AP1AR: variants seen among roughly 807,000 people sequenced by gnomAD.
AP1AR encodes AP-1 complex-associated regulatory protein.
In AP1AR, 29 loss-of-function variants were observed where a neutral mutation model predicts 46.3. The observed-to-expected ratio is 0.63, with a 90% confidence interval of 0.47 to 0.85. AP1AR has a LOEUF of 0.85. Ranked by LOEUF, AP1AR falls within the 40% of genes least tolerant of loss-of-function variation. The pLI, the probability that AP1AR is intolerant of heterozygous loss-of-function variation, is 0.00. For synonymous variants in AP1AR, 122 were observed against 122.9 expected, an observed-to-expected ratio of 0.99 and a Z score of 0.05; for missense variants, 357 against 356.3, an observed-to-expected ratio of 1.00 and a Z score of -0.02.
At chr4:112,257,855 CT>C in intron 4 of AP1AR, 58 bp downstream of exon 4, 1 of 1,412,538 alleles carries the variant, frequency 7.1e-7, no homozygotes, top group Non-Finnish European at 9.5e-7. Context: ...AGAAAACTCT[CT>C]TAAGAAGTCA....
intron 7 of AP1AR, chr4:112,265,442 C>G: frequency 2.7e-6 from 1 of 363,742 alleles, no homozygotes; most frequent in East Asian, 5.2e-5. Flanking sequence ...CACATTTCCA[C>G]AAGTATCACT....
chr4:112,264,060 C>T (rs867372148), intron 6 of AP1AR, among the ~76,000 whole-genome samples: 2 of 152,064 alleles, frequency 1.3e-5, no homozygotes, highest in African/African-American at 2.4e-5. Flanking sequence ...TGTCCTTCTC[C>T]CCCCAACTTT....
intron 1 of AP1AR, 120 bp from the exon 2 acceptor site, chr4:112,253,088 T>C: frequency 1.6e-6 from 1 of 639,070 alleles, no homozygotes; most frequent in East Asian, 3.2e-5. Context: ...TTTTTATAAA[T>C]ATAACTATAT....
chr4:112,245,714 C>T (rs142270983), intron 1 of AP1AR, among the ~76,000 whole-genome samples: 1 of 152,222 alleles, frequency 6.6e-6, no homozygotes, highest in East Asian at 1.9e-4. Flanking sequence ...TCGTTCCTGA[C>T]CCATTGTAGG....
intron 1 of AP1AR, among the ~76,000 whole-genome samples, chr4:112,238,719 C>G (rs1265720922): frequency 1.3e-5 from 2 of 152,052 alleles, no homozygotes; most frequent in Non-Finnish European, 2.9e-5. Flanking sequence ...TGTACTTTTC[C>G]TGGGTAATGG....
chr4:112,267,489 G>T (rs1327827160), intron 9 of AP1AR, among the ~76,000 whole-genome samples: 1 of 151,888 alleles, frequency 6.6e-6, no homozygotes, highest in Non-Finnish European at 1.5e-5. Flanking sequence ...TCTCTACTCT[G>T]TTGTGGTAGA....
rs141131298 is a variant in AP1AR at position 112,240,747 on chromosome 4, T to C, written c.83+8573T>C. On this transcript the variant is annotated intron_variant, in intron 1 of 9. Coordinates refer to ENST00000274000, the MANE Select transcript of AP1AR (RefSeq NM_018569.6). ...TCTGAACATATCCCCTCTCACAGCA[T>C]AGTAGTTGTTAATTTACCTGTGTGT... 2.5e-3 allele frequency among the ~76,000 whole-genome samples: 383 copies of C among 152,296 alleles called. 3 individuals are homozygous for C. The highest frequency in any genetic ancestry group is 8.9e-3 in the African/African-American group (368 of 41,568).
intron 4 of AP1AR, among the ~76,000 whole-genome samples, chr4:112,258,724 T>C (rs944099508): frequency 2.0e-5 from 3 of 152,342 alleles, no homozygotes; most frequent in East Asian, 3.9e-4. Flanking sequence ...GGAAGTGTTA[T>C]GTATCTTGCT....
Position 112,253,340 on chromosome 4 carries a change from G to T in AP1AR, c.132+84G>T. On this transcript the variant is annotated intron_variant, in intron 2 of 9. Transcript: ENST00000274000. ...TTTGTTGTAAAGAGGGAAAGATCTGGACCCAAATTTAGAATGGACTGTTTA... is the reference window on the plus strand; with the variant it reads ...TTTGTTGTAAAGAGGGAAAGATCTGTACCCAAATTTAGAATGGACTGTTTA... 6 of 999,266 alleles carry T rather than the reference G, an allele frequency of 6.0e-6. No homozygotes were observed. The South Asian group carries it at 8.3e-5, about 14-fold the overall frequency. The allele number at this position is 999,266 out of a possible 1,614,324, so 61.9% of individuals were successfully genotyped here. A position where few individuals can be genotyped will look rare whatever the true frequency, so the allele number is the denominator to read the frequency against.
At chr4:112,257,340 A>G (rs1726240547) in intron 3 of AP1AR, among the ~76,000 whole-genome samples, 1 of 152,212 alleles carries the variant, frequency 6.6e-6, no homozygotes, top group South Asian at 2.1e-4. Context: ...GAGAGCTCAA[A>G]TATTGATTTT....
In AP1AR at chr4:112,272,935, AC is replaced by A. The variant is rs1727014874; in HGVS notation, c.*4527del. On this transcript the variant is annotated 3_prime_UTR_variant, in exon 10 of 10. Coordinates refer to ENST00000274000, the MANE Select transcript of AP1AR (RefSeq NM_018569.6). ...TAATCATAATTTCTTGAGAATACAG[AC>A]ATCTAAAAAAGATTTTATGTTAAAT... 6.6e-6 allele frequency: 1 copy of A among 152,092 alleles called. No individual in the cohort carries two copies. Among genetic ancestry groups the A allele is most frequent in the Non-Finnish European group, 1.5e-5 (1 of 67,998 alleles). 9.4% of individuals were successfully genotyped at this position (152,092 alleles called of 1,614,324 possible).
intron 5 of AP1AR, among the ~76,000 whole-genome samples, chr4:112,261,639 C>T (rs1269294380): frequency 6.6e-6 from 1 of 151,954 alleles, no homozygotes; most frequent in Non-Finnish European, 1.5e-5. Flanking sequence ...TATTCATATT[C>T]TGCTGCACAT....
chr4:112,241,394 T>A (rs2110469266), intron 1 of AP1AR, among the ~76,000 whole-genome samples: 1 of 152,294 alleles, frequency 6.6e-6, no homozygotes, highest in Admixed American at 6.5e-5. Context: ...AGTCCCACAA[T>A]CTGTTATTTG....
At chr4:112,265,594 C>T in intron 7 of AP1AR, 140 bp from the exon 8 acceptor site, 1 of 578,212 alleles carries the variant, frequency 1.7e-6, no homozygotes, top group Non-Finnish European at 3.0e-6. Flanking sequence ...GAACTATTTT[C>T]ATTAGGTTAT....
Position 112,273,087 on chromosome 4 carries a change from C to T in AP1AR, c.*4678C>T, listed in dbSNP as rs2110502335. ...AAATGTAAAACAACAACAACAATAACAATAAAAATGGAGAGAAACAGAATC... is the reference window on the plus strand; with the variant it reads ...AAATGTAAAACAACAACAACAATAATAATAAAAATGGAGAGAAACAGAATC... On this transcript the variant is annotated 3_prime_UTR_variant, in exon 10 of 10. Coordinates refer to ENST00000274000, the MANE Select transcript of AP1AR (RefSeq NM_018569.6). The T allele has an allele frequency of 6.6e-6, 1 of 151,930 alleles. No individual in the cohort carries two copies. The highest frequency in any genetic ancestry group is 1.9e-4 in the East Asian group (1 of 5,170). The allele number at this position is 151,930 out of a possible 1,614,324, so 9.4% of individuals were successfully genotyped here.
At chr4:112,251,829 A>G (rs1725974369) in intron 1 of AP1AR, among the ~76,000 whole-genome samples, 1 of 152,220 alleles carries the variant, frequency 6.6e-6, no homozygotes, top group South Asian at 2.1e-4. Flanking sequence ...TTTGCTTTTT[A>G]CCAATGATCT....
rs1339143132 is a variant in AP1AR at position 112,271,392 on chromosome 4, T to G, written c.*2983T>G. 1.3e-5 allele frequency among the ~76,000 whole-genome samples: 2 copies of G among 152,262 alleles called. No individual in the cohort carries two copies. Among genetic ancestry groups the G allele is most frequent in the African/African-American group, 2.4e-5 (1 of 41,468 alleles). ...AAAATGTTTAGCTATAGTTTAGAGT[T>G]GGCTCCTCAACAGAGCTATTTCTAC... On this transcript the variant is annotated 3_prime_UTR_variant, in exon 10 of 10. Coordinates refer to ENST00000274000, the MANE Select transcript of AP1AR (RefSeq NM_018569.6).
intron 1 of AP1AR, among the ~76,000 whole-genome samples, chr4:112,236,105 G>A (rs1050944756): frequency 4.6e-5 from 7 of 151,430 alleles, no homozygotes; most frequent in African/African-American, 1.7e-4. Context: ...GATCTTTTCA[G>A]TTGTCTACCT....
intron 1 of AP1AR, among the ~76,000 whole-genome samples, chr4:112,241,373 T>C (rs1725490991): frequency 6.6e-6 from 1 of 152,198 alleles, no homozygotes; most frequent in Non-Finnish European, 1.5e-5. Context: ...CTCATATGAT[T>C]ATGGAGATTA....
Sources: allele counts gnomAD v4.1 joint callset (sites outside exome capture counted in the v4.1 genomes callset), GRCh38; gene constraint gnomAD v4.1.1; transcripts MANE v1.5; gene names NCBI Gene and HGNC (gene_info 2026-07-23, HGNC 2026-07-21).